CCSER2: variants seen among roughly 807,000 people sequenced by gnomAD.
CCSER2 encodes coiled-coil serine rich protein 2.
A neutral mutation model predicts 92.3 loss-of-function variants in CCSER2; 46 were observed. The ratio of observed to expected loss-of-function variants is 0.50; its 90% confidence interval spans 0.39 to 0.64. The LOEUF is 0.64. Among genes scored for constraint, CCSER2 ranks in the 30% least tolerant of loss-of-function variants. The probability of loss-of-function intolerance (pLI) is 0.00; values close to 1 mark genes in which losing one functional copy is unlikely to be tolerated. For synonymous variants in CCSER2, 433 were observed against 431.4 expected (o/e 1.00, Z -0.04); for missense variants, 1,244 against 1,238.9 (o/e 1.00, Z -0.06).
At chr10:84,505,453 G>A (rs1304771334) in intron 9 of CCSER2, among the ~76,000 whole-genome samples, 1 of 152,006 alleles carries the variant, frequency 6.6e-6, no homozygotes. Flanking sequence ...AATTAACAAG[G>A]CTCAATCTGA....
chr10:84,406,871 T>C lies in CCSER2; in HGVS notation c.1615-10900T>C, dbSNP rs148017170. Among the ~76,000 whole-genome samples the C allele has an allele frequency of 5.2e-3, 792 of 152,306 alleles. 32 individuals are homozygous for C. Among genetic ancestry groups the C allele is most frequent in the Admixed American group, 0.047 (713 of 15,284 alleles). On this transcript the variant is annotated intron_variant, in intron 3 of 9. Transcript: ENST00000372088. Reference sequence around the variant, plus strand: ...TACCCTGTGCAGATGATTTCTAAGCTGGTGAAGAAAAGTTAGAGTAAGTTA... The same window carrying C: ...TACCCTGTGCAGATGATTTCTAAGCCGGTGAAGAAAAGTTAGAGTAAGTTA...
rs542370330 is a variant in CCSER2, at chr10:84,397,403, A to G, written c.1615-20368A>G. Among the ~76,000 whole-genome samples the G allele has an allele frequency of 2.0e-5, 3 of 152,330 alleles. No homozygotes were observed. In the East Asian group the frequency reaches 5.8e-4, roughly 29 times the overall value. The stretch of plus-strand genomic sequence containing the variant: ...AATGTGATGGGGCTGTCCTCAGGTT[A>G]AATGGGCACTGATGGATGCACTGTA... On this transcript the variant is annotated intron_variant, in intron 3 of 9. Transcript: ENST00000372088.
Position 84,513,668 on chromosome 10 carries a change from A to G in CCSER2, c.2545A>G (p.Met849Val), listed in dbSNP as rs1309941368. ...TTTTTCATCAGGCCCACAATTAACA[A>G]TGGATGTGGCTAAGAGTACACCTTC... ...QPFSSGPQLT[M>V]DVAKSTPSEA... Residue 849 changes from methionine (M) to valine (V), a missense_variant, in exon 10 of 10, where the codon ATG becomes GTG. Transcript: ENST00000372088. 1 of 1,562,746 alleles carries G rather than the reference A, an allele frequency of 6.4e-7. No individual in the cohort carries two copies. The highest frequency in any genetic ancestry group is 8.6e-7 in the Non-Finnish European group (1 of 1,157,254).
chr10:84,499,473 C>T (rs949996018), intron 9 of CCSER2, among the ~76,000 whole-genome samples: 10 of 152,056 alleles, frequency 6.6e-5, no homozygotes, highest in African/African-American at 2.4e-4. Context: ...TTTGTATTGC[C>T]TGATTCACAA....
chr10:84,395,090 G>C (rs1459637227), intron 3 of CCSER2, among the ~76,000 whole-genome samples: 2 of 151,902 alleles, frequency 1.3e-5, no homozygotes, highest in African/African-American at 4.8e-5. Flanking sequence ...CAGGCATGGT[G>C]GCATATGCCT....
chr10:84,375,566 T>C (rs1846287247), intron 3 of CCSER2, among the ~76,000 whole-genome samples: 1 of 150,240 alleles, frequency 6.7e-6, no homozygotes, highest in Admixed American at 6.6e-5. Context: ...AATTGGACTT[T>C]CCATCATTAC....
intron 3 of CCSER2, among the ~76,000 whole-genome samples, chr10:84,392,840 G>A (rs1348481085): frequency 3.3e-5 from 5 of 152,122 alleles, no homozygotes; most frequent in African/African-American, 1.2e-4. Context: ...GAACATTAAT[G>A]TAGCGGATAT....
At position 84,451,422 on chromosome 10, in the gene CCSER2, A is replaced by G. The variant is rs540893403; in HGVS notation, c.2065-12511A>G. Among the ~76,000 whole-genome samples, 17 of 152,240 alleles carry G rather than the reference A, an allele frequency of 1.1e-4. No individual in the cohort carries two copies. The South Asian group carries it at 1.9e-3, about 17-fold the overall frequency. ...TGGCCTCCCAAGTAGCTGGGACTAC[A>G]GGCACGTGCCGTTGCGTCCACCTGC... On this transcript the variant is annotated intron_variant, in intron 6 of 9. Transcript: ENST00000372088.
chr10:84,435,039 A>G (rs540237645), intron 5 of CCSER2, among the ~76,000 whole-genome samples: 30 of 152,200 alleles, frequency 2.0e-4, no homozygotes, highest in Non-Finnish European at 3.4e-4. Flanking sequence ...GGGGATCAGG[A>G]AGGGCTTCTG....
At chr10:84,475,837 G>T (rs933883262) in intron 8 of CCSER2, among the ~76,000 whole-genome samples, 2 of 151,986 alleles carry the variant, frequency 1.3e-5, no homozygotes, top group Non-Finnish European at 2.9e-5. Flanking sequence ...TATTGAATTT[G>T]GGGGGTTATT....
intron 1 of CCSER2, among the ~76,000 whole-genome samples, chr10:84,350,312 A>G (rs1254352382): frequency 1.3e-5 from 2 of 152,128 alleles, no homozygotes; most frequent in Non-Finnish European, 2.9e-5. Flanking sequence ...CTTGATGCCC[A>G]GTTTGTTATT....
At chr10:84,484,237 A>C (rs1847666716) in intron 9 of CCSER2, among the ~76,000 whole-genome samples, 1 of 151,284 alleles carries the variant, frequency 6.6e-6, no homozygotes, top group Admixed American at 6.6e-5. Flanking sequence ...CTGCCTCCCA[A>C]AGTGCTGGGA....
At chr10:84,364,099 C>G (rs1564600153) in intron 1 of CCSER2, among the ~76,000 whole-genome samples, 2 of 152,024 alleles carry the variant, frequency 1.3e-5, no homozygotes, top group African/African-American at 2.4e-5. Flanking sequence ...AAATGGTATA[C>G]CAGTATGGGG....
At chr10:84,352,189 A>G (rs533379805) in intron 1 of CCSER2, among the ~76,000 whole-genome samples, 2 of 152,260 alleles carry the variant, frequency 1.3e-5, no homozygotes, top group East Asian at 3.9e-4. Context: ...CTATAGTCCC[A>G]GGTACTCGGG....
intron 3 of CCSER2, among the ~76,000 whole-genome samples, chr10:84,407,641 C>A (rs1156807309): frequency 6.6e-6 from 1 of 152,238 alleles, no homozygotes; most frequent in African/African-American, 2.4e-5. Flanking sequence ...TTTTCTGTCT[C>A]ACTTAAATCC....
chr10:84,394,385 A>ATGTGTGTGTGTGTGTGTGTG (rs60891669), intron 3 of CCSER2, among the ~76,000 whole-genome samples: 10 of 132,600 alleles, frequency 7.5e-5, no homozygotes, highest in Non-Finnish European at 1.2e-4. Context: ...AAAGGAAAGT[A>ATGTGTGTGTGTGTGTGTGTG]TGTGTGTGTG....
intron 9 of CCSER2, among the ~76,000 whole-genome samples, chr10:84,496,840 A>G (rs1848480563): frequency 6.6e-6 from 1 of 152,110 alleles, no homozygotes. Context: ...TTGGGTCCCA[A>G]GCTGGTCTCA....
chr10:84,470,469 T>C lies in CCSER2; in HGVS notation c.2235+11T>C, dbSNP rs1846721809. On this transcript the variant is annotated intron_variant, in intron 8 of 9. Coordinates refer to ENST00000372088, the MANE Select transcript of CCSER2 (RefSeq NM_001284240.2). ...TTAGAACTTCAGCTTGTAAGTATTGTAGTATAATGTATAGAGACTTTTCAA... is the reference window on the plus strand; with the variant it reads ...TTAGAACTTCAGCTTGTAAGTATTGCAGTATAATGTATAGAGACTTTTCAA... The C allele has an allele frequency of 1.4e-6, 2 of 1,411,856 alleles. No homozygotes were observed. The highest frequency in any genetic ancestry group is 5.5e-5 in the East Asian group (2 of 36,406). 87.5% of individuals were successfully genotyped at this position (1,411,856 alleles called of 1,614,324 possible).
At chr10:84,345,470 T>A (rs1325374793) in intron 1 of CCSER2, among the ~76,000 whole-genome samples, 5 of 152,234 alleles carry the variant, frequency 3.3e-5, no homozygotes, top group African/African-American at 1.2e-4. Context: ...ACATGTCTAT[T>A]TACACAGTTT....
Sources: gnomAD v4.1 joint callset for allele counts (sites outside exome capture counted in the v4.1 genomes callset) on GRCh38, gnomAD v4.1.1 for gene constraint, MANE v1.5 for transcripts, NCBI Gene and HGNC (gene_info 2026-07-23, HGNC 2026-07-21) for gene names.